Variants in PARN observed in about 807,000 individuals in gnomAD.
PARN encodes the protein poly(A)-specific ribonuclease PARN.
A neutral mutation model predicts 102.8 loss-of-function variants in PARN; 71 were observed. That is an observed-to-expected ratio of 0.69 (90% CI 0.57 to 0.84). PARN has a LOEUF of 0.84. Ranked by LOEUF, PARN falls within the 40% of genes least tolerant of loss-of-function variation. The pLI, the probability that PARN is intolerant of heterozygous loss-of-function variation, is 0.00. For missense variants in PARN, 782 were observed against 760.9 expected, an observed-to-expected ratio of 1.03 and a Z score of -0.33; for synonymous variants, 261 against 252.9, an observed-to-expected ratio of 1.03 and a Z score of -0.30.
chr16:14,494,050 C>T (rs368085529), intron 21 of PARN, among the ~76,000 whole-genome samples: 1 of 152,168 alleles, frequency 6.6e-6, no homozygotes, highest in Non-Finnish European at 1.5e-5. Context: ...CAACCCAACA[C>T]ATCTTGAAAA....
chr16:14,559,251 A>AT, intron 18 of PARN, among the ~76,000 whole-genome samples: 1 of 150,958 alleles, frequency 6.6e-6, no homozygotes, highest in African/African-American at 2.4e-5. Flanking sequence ...TCTTTATTTT[A>AT]TTTTTTTCCA....
chr16:14,565,512 A>C (rs762143130), intron 18 of PARN, among the ~76,000 whole-genome samples: 2 of 152,224 alleles, frequency 1.3e-5, no homozygotes, highest in Non-Finnish European at 2.9e-5. Context: ...ACATTAAATT[A>C]AACATTATAC....
rs80137583 is a variant in PARN at position 14,545,547 on chromosome 16, T to C, written c.1480+6474A>G. Among the ~76,000 whole-genome samples, 4 of 152,312 alleles carry C rather than the reference T, an allele frequency of 2.6e-5. No homozygotes were observed. In the East Asian group the frequency reaches 7.7e-4, roughly 29 times the overall value. The stretch of plus-strand genomic sequence containing the variant: ...AGTACTTAGAGGATAATTTATAGCT[T>C]TAAATGCTTCTGTTAGAAAAGGAAA... On this transcript the variant is annotated intron_variant, in intron 21 of 23. Coordinates refer to ENST00000437198, the MANE Select transcript of PARN (RefSeq NM_002582.4).
At chr16:14,500,595 T>C (rs1964537426) in intron 21 of PARN, among the ~76,000 whole-genome samples, 1 of 152,158 alleles carries the variant, frequency 6.6e-6, no homozygotes, top group Non-Finnish European at 1.5e-5. Context: ...TCTACATTTC[T>C]TTCCCTAGAA....
chr16:14,436,986 G>A (rs1960734308), intron 23 of PARN, among the ~76,000 whole-genome samples: 1 of 152,306 alleles, frequency 6.6e-6, no homozygotes, highest in Admixed American at 6.5e-5. Flanking sequence ...AAACATCATG[G>A]GGGCGCGGAG....
chr16:14,542,432 C>G, intron 21 of PARN, among the ~76,000 whole-genome samples: 1 of 151,724 alleles, frequency 6.6e-6, no homozygotes, highest in East Asian at 1.9e-4. Context: ...AATCCTTCCA[C>G]CATAGCCTCC....
chr16:14,476,650 C>T (rs1043506779), intron 22 of PARN, among the ~76,000 whole-genome samples: 9 of 151,892 alleles, frequency 5.9e-5, no homozygotes, highest in Non-Finnish European at 1.0e-4. Context: ...GGTAACATAG[C>T]GAGACCCCAT....
chr16:14,625,842 T>G (rs1490713394), intron 5 of PARN, among the ~76,000 whole-genome samples: 11 of 152,190 alleles, frequency 7.2e-5, no homozygotes, highest in Admixed American at 7.2e-4. Context: ...AATTCATGTT[T>G]TTAGTGGGAG....
chr16:14,458,891 G>A lies in PARN; in HGVS notation c.1671-11810C>T, dbSNP rs774054060. The stretch of plus-strand genomic sequence containing the variant: ...GTACAATGGTGAAGAGTGACAGTGA[G>A]GCGAAATGAGCTGACGAAATGGGGT... On this transcript the variant is annotated intron_variant, in intron 22 of 23. Transcript: ENST00000437198. Among the ~76,000 whole-genome samples the A allele has an allele frequency of 1.3e-5, 2 of 152,166 alleles. 1 individual carries two copies. Among genetic ancestry groups the A allele is most frequent in the Non-Finnish European group, 2.9e-5 (2 of 68,028 alleles).
chr16:14,557,450 G>A (rs983605797), intron 18 of PARN, among the ~76,000 whole-genome samples: 5 of 151,744 alleles, frequency 3.3e-5, no homozygotes, highest in Middle Eastern at 6.8e-3. Context: ...CCAGCTACTC[G>A]GGAGGCTAAG....
At chr16:14,469,001 C>T (rs149739632) in intron 22 of PARN, among the ~76,000 whole-genome samples, 287 of 151,562 alleles carry the variant, frequency 1.9e-3, no homozygotes, top group Non-Finnish European at 2.0e-3. Context: ...CATAAAAAAA[C>T]GACCTAAAAA....
chr16:14,510,358 A>T (rs1965119545), intron 21 of PARN, among the ~76,000 whole-genome samples: 1 of 152,236 alleles, frequency 6.6e-6, no homozygotes, highest in Admixed American at 6.5e-5. Flanking sequence ...TACATATAAA[A>T]TATCCAATGT....
chr16:14,573,739 T>C (rs1200242980), intron 18 of PARN, among the ~76,000 whole-genome samples: 5 of 152,188 alleles, frequency 3.3e-5, no homozygotes, highest in Non-Finnish European at 7.4e-5. Flanking sequence ...TCTCACGAGA[T>C]CTGGTGTTTT....
Position 14,629,580 on chromosome 16 carries a change from T to C in PARN, c.97+17A>G. ...TGCACTGCAAAGTGCTAGCCTGAGC[T>C]TGCAAGGGAGGGATACCTGAAAACT... On this transcript the variant is annotated intron_variant, in intron 2 of 23. Coordinates refer to ENST00000437198, the MANE Select transcript of PARN (RefSeq NM_002582.4). 2 of 1,592,872 alleles carry C rather than the reference T, an allele frequency of 1.3e-6. No homozygotes were observed. Among genetic ancestry groups the C allele is most frequent in the Non-Finnish European group, 1.7e-6 (2 of 1,160,686 alleles).
chr16:14,474,218 T>C (rs987091337), intron 22 of PARN, among the ~76,000 whole-genome samples: 2 of 152,192 alleles, frequency 1.3e-5, no homozygotes. Context: ...TTGCCCAGGC[T>C]GGTCTCGAGC....
At chr16:14,453,226 A>G (rs941475923) in intron 22 of PARN, among the ~76,000 whole-genome samples, 8 of 152,246 alleles carry the variant, frequency 5.3e-5, no homozygotes, top group African/African-American at 1.9e-4. Context: ...TGGTATGTTA[A>G]AATTGAACAT....
chr16:14,553,260 A>T (rs1269717921), intron 20 of PARN, among the ~76,000 whole-genome samples: 3 of 145,524 alleles, frequency 2.1e-5, no homozygotes, highest in Admixed American at 2.1e-4. Flanking sequence ...TCTATTTAAA[A>T]AAAAAAAAAA....
At chr16:14,505,421 G>C (rs1964843314) in intron 21 of PARN, among the ~76,000 whole-genome samples, 1 of 152,152 alleles carries the variant, frequency 6.6e-6, no homozygotes, top group African/African-American at 2.4e-5. Context: ...GCTGAAGCTG[G>C]AGGGTGCTAT....
intron 22 of PARN, among the ~76,000 whole-genome samples, chr16:14,455,339 T>G (rs1048769672): frequency 6.6e-6 from 1 of 152,230 alleles, no homozygotes; most frequent in Non-Finnish European, 1.5e-5. Flanking sequence ...ATTTTGCTCT[T>G]AAAATTGATA....
Sources: allele counts gnomAD v4.1 joint callset (sites outside exome capture counted in the v4.1 genomes callset), GRCh38; gene constraint gnomAD v4.1.1; transcripts MANE v1.5; gene names NCBI Gene and HGNC (gene_info 2026-07-23, HGNC 2026-07-21).